The following FGF14 variants were observed in gnomAD, a reference collection of about 807,000 sequenced individuals.
FGF14 encodes the protein fibroblast growth factor 14, also known as fibroblast growth factor homologous factor 4.
FGF14 carries 5 observed loss-of-function variants against 25.5 expected under a neutral mutation model. The ratio of observed to expected loss-of-function variants is 0.20; its 90% CI spans 0.10 to 0.41. FGF14 has a LOEUF of 0.41. Among genes scored for constraint, FGF14 ranks in the 10% least tolerant of loss-of-function variants. FGF14 has a pLI of 1.00. For synonymous variants in FGF14, 138 were observed against 118.3 expected (o/e 1.17, Z -1.08); for missense variants, 222 against 320.1 (o/e 0.69, Z 2.34).
chr13:102,342,690 A>C (rs2056987626), intron 1 of FGF14, among the ~76,000 whole-genome samples: 1 of 152,194 alleles, frequency 6.6e-6, no homozygotes, highest in Admixed American at 6.5e-5. Context: ...TAATAGTCAC[A>C]GGAAGCCAAA....
chr13:101,833,583 C>T (rs1056917346), intron 3 of FGF14, among the ~76,000 whole-genome samples: 1 of 151,882 alleles, frequency 6.6e-6, no homozygotes, highest in African/African-American at 2.4e-5. Context: ...TTTTAAAGGA[C>T]TATATAGAAA....
At chr13:102,051,937 G>A (rs989090632) in intron 1 of FGF14, among the ~76,000 whole-genome samples, 1 of 151,980 alleles carries the variant, frequency 6.6e-6, no homozygotes, top group Non-Finnish European at 1.5e-5. Flanking sequence ...TATATTAAAT[G>A]CTTAAAAAAA....
chr13:102,236,263 C>T (rs1383904852), intron 1 of FGF14, among the ~76,000 whole-genome samples: 1 of 152,304 alleles, frequency 6.6e-6, no homozygotes, highest in East Asian at 1.9e-4. Context: ...GATCTAAGAA[C>T]CCTCTCTTGG....
chr13:102,106,218 T>C (rs893129153), intron 1 of FGF14, among the ~76,000 whole-genome samples: 1 of 152,214 alleles, frequency 6.6e-6, no homozygotes, highest in Non-Finnish European at 1.5e-5. Flanking sequence ...GTATCCACAC[T>C]AATTTGCATG....
At chr13:102,045,394 A>G (rs2140021264) in intron 1 of FGF14, among the ~76,000 whole-genome samples, 1 of 152,298 alleles carries the variant, frequency 6.6e-6, no homozygotes, top group Middle Eastern at 3.4e-3. Context: ...GGTTTTTAGA[A>G]TTTCATAAAT....
chr13:102,110,073 G>A (rs2045142489), intron 1 of FGF14, among the ~76,000 whole-genome samples: 1 of 152,108 alleles, frequency 6.6e-6, no homozygotes, highest in Non-Finnish European at 1.5e-5. Flanking sequence ...TTGTTTTTCT[G>A]TATTCCGTAA....
chr13:101,904,456 G>T (rs1232058160), intron 1 of FGF14, among the ~76,000 whole-genome samples: 2 of 152,116 alleles, frequency 1.3e-5, no homozygotes, highest in Admixed American at 1.3e-4. Context: ...GCAGTGTGAG[G>T]CTAGTCAATT....
chr13:101,896,679 A>AT (rs1399095470), intron 1 of FGF14, among the ~76,000 whole-genome samples: 2 of 152,152 alleles, frequency 1.3e-5, no homozygotes, highest in Non-Finnish European at 2.9e-5. Context: ...CAGATAAGCA[A>AT]TTTTTTGGAG....
chr13:102,229,702 T>A (rs2050991779), intron 1 of FGF14, among the ~76,000 whole-genome samples: 1 of 152,206 alleles, frequency 6.6e-6, no homozygotes, highest in African/African-American at 2.4e-5. Context: ...CAGGCCTTGG[T>A]CATGGTTAAT....
intron 1 of FGF14, among the ~76,000 whole-genome samples, chr13:102,166,555 G>GT: frequency 6.6e-6 from 1 of 152,178 alleles, no homozygotes; most frequent in East Asian, 1.9e-4. Context: ...TATTTTTTGA[G>GT]TTTTTGGAGT....
chr13:102,069,899 G>A (rs539197370), intron 1 of FGF14, among the ~76,000 whole-genome samples: 4 of 152,284 alleles, frequency 2.6e-5, no homozygotes, highest in South Asian at 4.1e-4. Flanking sequence ...CCTGGCGGGT[G>A]GAACTCCTGA....
chr13:101,997,278 G>A (rs1253514833), intron 1 of FGF14, among the ~76,000 whole-genome samples: 1 of 151,006 alleles, frequency 6.6e-6, no homozygotes, highest in Non-Finnish European at 1.5e-5. Flanking sequence ...TATGCACTGA[G>A]TCTTAAATAA....
intron 1 of FGF14, among the ~76,000 whole-genome samples, chr13:102,197,515 T>G (rs1247041091): frequency 6.6e-6 from 1 of 152,102 alleles, no homozygotes; most frequent in Non-Finnish European, 1.5e-5. Flanking sequence ...CTCTTGCATC[T>G]TTAGAATTTG....
At chr13:102,253,965 A>G (rs2141083510) in intron 1 of FGF14, among the ~76,000 whole-genome samples, 2 of 152,336 alleles carry the variant, frequency 1.3e-5, no homozygotes, top group East Asian at 3.9e-4. Context: ...AATAAAGATG[A>G]AGATTTTATT....
At position 101,846,311 on chromosome 13, in the gene FGF14, T is replaced by TA. The variant is rs370340297; in HGVS notation, c.408+22413dup. The stretch of plus-strand genomic sequence containing the variant: ...TTAAAAAAATTACTCCATCTTTTTT[T>TA]AAAAAAAAAATCATCAGCCTTTATG... On this transcript the variant is annotated intron_variant, in intron 3 of 4. Transcript: ENST00000376143. Among the ~76,000 whole-genome samples the TA allele has an allele frequency of 2.1e-3, 318 of 150,144 alleles. 1 individual carries two copies. Among genetic ancestry groups the TA allele is most frequent in the Non-Finnish European group, 3.7e-3 (252 of 67,344 alleles).
chr13:102,363,268 T>G (rs1165190953), intron 1 of FGF14, among the ~76,000 whole-genome samples: 1 of 152,126 alleles, frequency 6.6e-6, no homozygotes, highest in African/African-American at 2.4e-5. Context: ...GTTATTAGAG[T>G]TGCTAATTTA....
chr13:102,124,142 C>T (rs1422953733), intron 1 of FGF14, among the ~76,000 whole-genome samples: 2 of 151,854 alleles, frequency 1.3e-5, no homozygotes, highest in African/African-American at 2.4e-5. Context: ...CAAGGTAGTG[C>T]TATAAAGAGG....
chr13:102,063,012 G>T (rs1328161898), intron 1 of FGF14, among the ~76,000 whole-genome samples: 1 of 152,096 alleles, frequency 6.6e-6, no homozygotes, highest in Non-Finnish European at 1.5e-5. Flanking sequence ...GCTTTTAAAG[G>T]TATTTGTTGC....
intron 3 of FGF14, among the ~76,000 whole-genome samples, chr13:101,814,667 A>T (rs1014482251): frequency 6.6e-6 from 1 of 152,196 alleles, no homozygotes; most frequent in South Asian, 2.1e-4. Context: ...AAATGGAATC[A>T]TATAATATTT....
Sources: allele counts gnomAD v4.1 joint callset (sites outside exome capture counted in the v4.1 genomes callset), GRCh38; gene constraint gnomAD v4.1.1; transcripts MANE v1.5; gene names NCBI Gene and HGNC (gene_info 2026-07-23, HGNC 2026-07-21).